The following TLK2 variants were observed in gnomAD, a reference collection of about 807,000 sequenced individuals.
TLK2 encodes tousled like kinase 2.
A neutral mutation model predicts 117.3 loss-of-function variants in TLK2; 6 were observed. The observed-to-expected ratio is 0.05, with a 90% CI of 0.03 to 0.10. TLK2 has a LOEUF of 0.10. TLK2 is among the 10% of genes least tolerant of loss of function. TLK2 has a pLI of 1.00. For missense variants in TLK2, 299 were observed against 901.2 expected (o/e 0.33, Z 8.56); for synonymous variants, 257 against 316.7 (o/e 0.81, Z 2.00).
chr17:62,531,734 T>C (rs900909214), intron 6 of TLK2, among the ~76,000 whole-genome samples: 1 of 152,238 alleles, frequency 6.6e-6, no homozygotes, highest in African/African-American at 2.4e-5. Context: ...CTTTAGTGAA[T>C]TTATGGCTTA....
At chr17:62,493,826 T>G (rs892830606) in intron 2 of TLK2, among the ~76,000 whole-genome samples, 45 of 152,052 alleles carry the variant, frequency 3.0e-4, no homozygotes, top group Non-Finnish European at 5.4e-4. Context: ...GGCACAACCT[T>G]GGCTCACTGC....
At chr17:62,478,595 C>T (rs2071199010), upstream of TLK2, among the ~76,000 whole-genome samples, 1 of 150,598 alleles carries the variant, frequency 6.6e-6, no homozygotes, top group Admixed American at 6.6e-5. Context: ...CGAGGCGCGG[C>T]TTCCTCCGCC....
intron 9 of TLK2, among the ~76,000 whole-genome samples, chr17:62,558,153 CT>C (rs963799813): frequency 4.4e-4 from 62 of 141,842 alleles, no homozygotes; most frequent in African/African-American, 8.5e-4. Context: ...TAGCCAGCTG[CT>C]TTTTTTTTTT....
At chr17:62,605,262 G>A (rs1198419762) in intron 19 of TLK2, among the ~76,000 whole-genome samples, 1 of 152,208 alleles carries the variant, frequency 6.6e-6, no homozygotes, top group African/African-American at 2.4e-5. Context: ...GGGAGGCAGA[G>A]GTTGCAGTGA....
At chr17:62,562,552 A>G (rs1479091557) in intron 10 of TLK2, among the ~76,000 whole-genome samples, 2 of 152,224 alleles carry the variant, frequency 1.3e-5, no homozygotes, top group Non-Finnish European at 2.9e-5. Flanking sequence ...GCAAGCATGA[A>G]AAGATGTTTA....
chr17:62,526,816 C>A (rs2076394963), intron 6 of TLK2, among the ~76,000 whole-genome samples: 1 of 152,134 alleles, frequency 6.6e-6, no homozygotes, highest in African/African-American at 2.4e-5. Flanking sequence ...TCTATTTTTC[C>A]AGTTCACTGC....
At chr17:62,564,057 G>T (rs187115600) in intron 10 of TLK2, among the ~76,000 whole-genome samples, 10 of 152,284 alleles carry the variant, frequency 6.6e-5, no homozygotes, top group African/African-American at 2.4e-4. Flanking sequence ...AACAGCTTAA[G>T]AGCTAGGCAT....
At chr17:62,482,258 A>G (rs1158072358) in intron 2 of TLK2, among the ~76,000 whole-genome samples, 1 of 151,910 alleles carries the variant, frequency 6.6e-6, no homozygotes, top group Admixed American at 6.6e-5. Context: ...TGAGCTTTTG[A>G]TCTTTAACCA....
chr17:62,606,847 T>C (rs1435777520), intron 20 of TLK2, among the ~76,000 whole-genome samples: 1 of 152,194 alleles, frequency 6.6e-6, no homozygotes, highest in African/African-American at 2.4e-5. Context: ...TTTATGTTCC[T>C]ATTGCTGTTT....
chr17:62,567,180 G>A (rs746162701), intron 11 of TLK2, among the ~76,000 whole-genome samples: 3 of 152,146 alleles, frequency 2.0e-5, no homozygotes, highest in Non-Finnish European at 4.4e-5. Context: ...CATGCAGTGA[G>A]CCGAGAATTG....
intron 6 of TLK2, 55 bp from the exon 7 acceptor site, chr17:62,536,115 G>T: frequency 1.3e-6 from 2 of 1,567,540 alleles, no homozygotes; most frequent in Non-Finnish European, 1.7e-6. Context: ...GCATGTTTGG[G>T]CAGTATCAGA....
chr17:62,606,294 C>A (rs1457701655), intron 20 of TLK2, 53 bp downstream of exon 20: 2 of 1,095,446 alleles, frequency 1.8e-6, no homozygotes, highest in African/African-American at 1.5e-5. Flanking sequence ...GTGGCACACA[C>A]ACACACAGTG....
At chr17:62,490,133 TATAGA>T (rs1451865414) in intron 2 of TLK2, among the ~76,000 whole-genome samples, 2 of 152,266 alleles carry the variant, frequency 1.3e-5, no homozygotes, top group African/African-American at 4.8e-5. Context: ...CCCAACCAGT[TATAGA>T]ATATTCTCAG....
At chr17:62,513,434 G>C (rs1447160459) in intron 2 of TLK2, among the ~76,000 whole-genome samples, 2 of 149,362 alleles carry the variant, frequency 1.3e-5, no homozygotes, top group Non-Finnish European at 3.0e-5. Context: ...GCTCCCGCCT[G>C]AGCCTTCTAA....
At chr17:62,529,291 T>TGAACCGAGTTCACAC (rs2076583298) in intron 6 of TLK2, among the ~76,000 whole-genome samples, 8 of 152,230 alleles carry the variant, frequency 5.3e-5, no homozygotes, top group Middle Eastern at 3.4e-3. Flanking sequence ...AGGCTGGAGT[T>TGAACCGAGTTCACAC]CAGTGCACGA....
At chr17:62,578,666 A>C (rs963849785) in intron 14 of TLK2, 92 bp downstream of exon 14, 6 of 961,044 alleles carry the variant, frequency 6.2e-6, no homozygotes, top group Admixed American at 4.4e-5. Context: ...GCTTAATGTA[A>C]GTTACATAAA....
At position 62,577,978 on chromosome 17, in the gene TLK2, C is replaced by T. The variant is rs1440527390; in HGVS notation, c.1189-499C>T. 7.2e-5 allele frequency among the ~76,000 whole-genome samples: 11 copies of T among 152,032 alleles called. No homozygotes were observed. In the East Asian group the frequency reaches 1.3e-3, roughly 19 times the overall value. On this transcript the variant is annotated intron_variant, in intron 13 of 21. Transcript: ENST00000346027. ...AGGAGAATCACTTGGACCTGGGAGG[C>T]GGAGGTTGCAGTGAACCGAGATCGT... is the stretch of plus-strand genomic sequence containing the variant.
In TLK2 at chr17:62,525,605, C is replaced by T. The variant is rs148627813; in HGVS notation, c.363+1274C>T. ...CTCGTAGTACAGGCATGTACCACTA[C>T]GCCCGGCTAATTTTTGTATTTTTTT... On this transcript the variant is annotated intron_variant, in intron 6 of 21. Coordinates refer to ENST00000346027, the MANE Select transcript of TLK2 (RefSeq NM_006852.6). Among the ~76,000 whole-genome samples, 990 of 152,156 alleles carry T rather than the reference C, an allele frequency of 6.5e-3. 77 individuals are homozygous for T. The East Asian group carries it at 0.17, about 26-fold the overall frequency.
chr17:62,514,946 C>G (rs1263822714), intron 2 of TLK2, among the ~76,000 whole-genome samples: 2 of 152,206 alleles, frequency 1.3e-5, no homozygotes, highest in Non-Finnish European at 2.9e-5. Context: ...TAAATACATT[C>G]ATATTGTTTG....
Sources: gnomAD v4.1 joint callset for allele counts (sites outside exome capture counted in the v4.1 genomes callset) on GRCh38, gnomAD v4.1.1 for gene constraint, MANE v1.5 for transcripts, NCBI Gene and HGNC (gene_info 2026-07-23, HGNC 2026-07-21) for gene names.